The following SEMA3C variants were observed in gnomAD, a reference collection of about 807,000 sequenced individuals.
The protein encoded by SEMA3C is semaphorin 3C, also known as semaphorin-3C.
Under a neutral mutation model 89.4 loss-of-function variants are expected in SEMA3C, and 47 were observed. The observed-to-expected ratio is 0.53, with a 90% CI of 0.42 to 0.67. The LOEUF is 0.67. Ranked by LOEUF, SEMA3C falls within the 30% of genes least tolerant of loss-of-function variation. SEMA3C has a pLI of 0.00. For synonymous variants in SEMA3C, 310 were observed against 320.2 expected, an observed-to-expected ratio of 0.97 and a Z score of 0.34; for missense variants, 839 against 929.1, an observed-to-expected ratio of 0.90 and a Z score of 1.26.
At chr7:80,861,180 C>T (rs557428823) in intron 2 of SEMA3C, among the ~76,000 whole-genome samples, 3 of 151,920 alleles carry the variant, frequency 2.0e-5, no homozygotes, top group East Asian at 3.9e-4. Context: ...AGAAAAACTT[C>T]GATTATTAAG....
chr7:80,770,739 G>A (rs1287593070), intron 12 of SEMA3C, among the ~76,000 whole-genome samples: 1 of 152,188 alleles, frequency 6.6e-6, no homozygotes. Flanking sequence ...GCCAATAAGA[G>A]CATACCCTTG....
rs535135933 is a variant in SEMA3C, at chr7:80,883,452, T to C, written c.103+33227A>G. ...TTCAAACTGAATCAGAGGTAACTCA[T>C]CTGAATTATCAAACAAAACTAATTA... On this transcript the variant is annotated intron_variant, in intron 2 of 17. Coordinates refer to ENST00000265361, the MANE Select transcript of SEMA3C (RefSeq NM_006379.5). Among the ~76,000 whole-genome samples the C allele has an allele frequency of 1.0e-3, 159 of 152,326 alleles. 2 individuals carry two copies. The Middle Eastern group carries it at 0.027, about 26-fold the overall frequency.
chr7:80,847,808 A>T lies in SEMA3C; in HGVS notation c.104-19063T>A, dbSNP rs1713568906. Reference sequence around the variant, plus strand: ...CATACGCTAGACAGAGAGGGGGCACAACAACAACCTTGTTCATACAATCAG... The same window carrying T: ...CATACGCTAGACAGAGAGGGGGCACTACAACAACCTTGTTCATACAATCAG... On this transcript the variant is annotated intron_variant, in intron 2 of 17. Transcript: ENST00000265361. Among the ~76,000 whole-genome samples the T allele has an allele frequency of 3.3e-5, 5 of 152,186 alleles. No individual in the cohort carries two copies. In the South Asian group the frequency reaches 1.0e-3, roughly 32 times the overall value.
In SEMA3C at chr7:80,904,260, C is replaced by T. The variant is rs10258257; in HGVS notation, c.103+12419G>A. Among the ~76,000 whole-genome samples, 1,021 of 152,190 alleles carry T rather than the reference C, an allele frequency of 6.7e-3. 14 individuals carry two copies. Among genetic ancestry groups the T allele is most frequent in the African/African-American group, 0.022 (922 of 41,528 alleles). On this transcript the variant is annotated intron_variant, in intron 2 of 17. Coordinates refer to ENST00000265361, the MANE Select transcript of SEMA3C (RefSeq NM_006379.5). The stretch of plus-strand genomic sequence containing the variant: ...TTCACCATGTTGGCCAGGTTGGTCT[C>T]GAACTCCTGGCCTCAAGTGATCCAC...
chr7:80,839,307 C>T (rs1187460209), intron 2 of SEMA3C, among the ~76,000 whole-genome samples: 4 of 152,148 alleles, frequency 2.6e-5, no homozygotes, highest in Non-Finnish European at 4.4e-5. Context: ...GGAAACACTT[C>T]ATCTGACACC....
intron 9 of SEMA3C, among the ~76,000 whole-genome samples, chr7:80,801,078 A>G (rs1350008126): frequency 6.6e-6 from 1 of 152,084 alleles, no homozygotes; most frequent in Non-Finnish European, 1.5e-5. Context: ...TTATGGGGAA[A>G]AAGTACAATG....
At chr7:80,818,560 T>C in intron 4 of SEMA3C, 142 bp from the exon 5 acceptor site, 3 of 810,362 alleles carry the variant, frequency 3.7e-6, no homozygotes, top group Non-Finnish European at 5.5e-6. Flanking sequence ...GGGCGTCCAA[T>C]CTTTTGGCTT....
chr7:80,797,961 A>C (rs1437162454), intron 11 of SEMA3C, 131 bp downstream of exon 11: 1 of 838,956 alleles, frequency 1.2e-6, no homozygotes. Context: ...TTGCACCACT[A>C]CATTCCACCC....
At position 80,784,255 on chromosome 7, in the gene SEMA3C, A is replaced by G. The variant is rs907316302; in HGVS notation, c.1354+5051T>C. Among the ~76,000 whole-genome samples, 26 of 150,840 alleles carry G rather than the reference A, an allele frequency of 1.7e-4. No individual in the cohort carries two copies. In the East Asian group the frequency reaches 3.6e-3, roughly 21 times the overall value. ...TGAGAACCCTTGCCTGCTGTTTTAT[A>G]GCCCTTCCTCAAGATTAAAAAAAAA... On this transcript the variant is annotated intron_variant, in intron 12 of 17. Coordinates refer to ENST00000265361, the MANE Select transcript of SEMA3C (RefSeq NM_006379.5).
intron 12 of SEMA3C, among the ~76,000 whole-genome samples, chr7:80,777,253 C>A (rs1223175028): frequency 6.6e-6 from 1 of 151,968 alleles, no homozygotes; most frequent in African/African-American, 2.4e-5. Context: ...ACCTTTCATC[C>A]AGGAATGACA....
chr7:80,777,317 C>T (rs570017453), intron 12 of SEMA3C, among the ~76,000 whole-genome samples: 1 of 151,758 alleles, frequency 6.6e-6, no homozygotes, highest in African/African-American at 2.4e-5. Context: ...TTTTAGACGG[C>T]GTCTGGCTCT....
intron 10 of SEMA3C, among the ~76,000 whole-genome samples, chr7:80,798,909 T>C (rs1054377445): frequency 3.3e-5 from 5 of 152,222 alleles, no homozygotes; most frequent in Admixed American, 6.5e-5. Context: ...CTCACATATT[T>C]ATTTCAAATT....
At chr7:80,835,922 G>A (rs1790114978) in intron 2 of SEMA3C, among the ~76,000 whole-genome samples, 1 of 152,162 alleles carries the variant, frequency 6.6e-6, no homozygotes. Flanking sequence ...CAAGATTTCA[G>A]GATTCAAAGC....
At chr7:80,863,884 T>TATGTATGTGATATGTG (rs1790851913) in intron 2 of SEMA3C, among the ~76,000 whole-genome samples, 25 of 120,276 alleles carry the variant, frequency 2.1e-4, no homozygotes, top group African/African-American at 8.3e-4. Flanking sequence ...ATGTATCACA[T>TATGTATGTGATATGTG]ATATATCACA....
intron 11 of SEMA3C, among the ~76,000 whole-genome samples, chr7:80,794,853 C>T (rs894390428): frequency 3.3e-5 from 5 of 152,134 alleles, no homozygotes; most frequent in South Asian, 2.1e-4. Context: ...GAATTACTTA[C>T]GGAAAAATAT....
chr7:80,883,114 T>A (rs1226663109), intron 2 of SEMA3C, among the ~76,000 whole-genome samples: 2 of 152,192 alleles, frequency 1.3e-5, no homozygotes, highest in African/African-American at 4.8e-5. Flanking sequence ...TACCTTTATA[T>A]TTTATCTCTC....
At chr7:80,790,593 C>G (rs2115592143) in intron 11 of SEMA3C, among the ~76,000 whole-genome samples, 1 of 152,254 alleles carries the variant, frequency 6.6e-6, no homozygotes, top group African/African-American at 2.4e-5. Context: ...AGCACCTGCT[C>G]TTCCCTGTCC....
intron 2 of SEMA3C, among the ~76,000 whole-genome samples, chr7:80,893,676 G>A (rs1791668452): frequency 6.6e-6 from 1 of 152,044 alleles, no homozygotes; most frequent in Non-Finnish European, 1.5e-5. Context: ...TGGAAGGCTT[G>A]GGTGGAGGGG....
At chr7:80,868,809 G>A (rs1344963292) in intron 2 of SEMA3C, among the ~76,000 whole-genome samples, 4 of 152,018 alleles carry the variant, frequency 2.6e-5, no homozygotes, top group Non-Finnish European at 5.9e-5. Context: ...CATTACTGAG[G>A]ATATACCAGG....
Sources: allele counts gnomAD v4.1 joint callset (sites outside exome capture counted in the v4.1 genomes callset), GRCh38; gene constraint gnomAD v4.1.1; transcripts MANE v1.5; gene names NCBI Gene and HGNC (gene_info 2026-07-23, HGNC 2026-07-21).